Variants in SHISA9 observed in about 807,000 individuals in gnomAD.
SHISA9 encodes the protein protein shisa-9.
Under a neutral mutation model 38.0 loss-of-function variants are expected in SHISA9, and 13 were observed. That is an observed-to-expected ratio of 0.34 (90% CI 0.22 to 0.54). The LOEUF is 0.54. Among genes scored for constraint, SHISA9 ranks in the 20% least tolerant of loss-of-function variants. The pLI is 0.91. For synonymous variants in SHISA9, 275 were observed against 242.0 expected (o/e 1.14, Z -1.27); for missense variants, 538 against 575.8 (o/e 0.93, Z 0.67).
chr16:13,116,819 C>T (rs958715799), intron 2 of SHISA9, among the ~76,000 whole-genome samples: 1 of 152,166 alleles, frequency 6.6e-6, no homozygotes, highest in African/African-American at 2.4e-5. Context: ...TCGAAGACTA[C>T]TAGGACTGGT....
At chr16:13,413,634 T>C in the SHISA9 span, among the ~76,000 whole-genome samples, 3 of 151,890 alleles carry the variant, frequency 2.0e-5, no homozygotes, top group Non-Finnish European at 1.5e-5. Flanking sequence ...TGGGTGCCTG[T>C]AATCCCAGCT....
At chr16:13,278,596 T>C in the SHISA9 span, among the ~76,000 whole-genome samples, 1 of 152,066 alleles carries the variant, frequency 6.6e-6, no homozygotes, top group African/African-American at 2.4e-5. Context: ...TCTCACTGTT[T>C]GTTATTGGTC....
In SHISA9 at chr16:13,191,605, A is replaced by G. The variant is rs116567550; in HGVS notation, c.692-11789A>G. Among the ~76,000 whole-genome samples, 1,128 of 152,318 alleles carry G rather than the reference A, an allele frequency of 7.4e-3. 13 individuals carry two copies. Among genetic ancestry groups the G allele is most frequent in the African/African-American group, 0.026 (1,067 of 41,568 alleles). ...AGACTGAGGCTTATATAGGCTTTAT[A>G]AGACACCCAAAGATGCTGTTGGTAA... On this transcript the variant is annotated intron_variant, in intron 2 of 4. Transcript: ENST00000558583.
intron 2 of SHISA9, among the ~76,000 whole-genome samples, chr16:13,136,182 G>T (rs148811016): frequency 1.8e-3 from 267 of 152,174 alleles, no homozygotes; most frequent in African/African-American, 6.1e-3. Context: ...TTGAATTCTA[G>T]CTCTTCATCT....
chr16:13,039,579 T>G (rs1257150689), intron 2 of SHISA9, among the ~76,000 whole-genome samples: 1 of 148,498 alleles, frequency 6.7e-6, no homozygotes, highest in Non-Finnish European at 1.5e-5. Context: ...GAGTATAATA[T>G]AAGCCCTTAT....
the SHISA9 span, among the ~76,000 whole-genome samples, chr16:13,401,234 C>A: frequency 3.2e-3 from 486 of 152,326 alleles, 6 homozygotes; most frequent in Middle Eastern, 0.044. Flanking sequence ...CAGTTAGGTA[C>A]AGTTATTCAG....
chr16:13,454,083 A>G, the SHISA9 span, among the ~76,000 whole-genome samples: 1 of 152,198 alleles, frequency 6.6e-6, no homozygotes, highest in East Asian at 1.9e-4. Context: ...GATCCTTTCT[A>G]GAGGACAGAA....
intron 2 of SHISA9, among the ~76,000 whole-genome samples, chr16:13,114,461 A>T (rs183592488): frequency 1.4e-4 from 19 of 132,938 alleles, no homozygotes; most frequent in African/African-American, 5.8e-4. Flanking sequence ...GTGAGATTCC[A>T]TCTCAAAAAA....
chr16:13,080,276 C>T (rs1221050458), intron 2 of SHISA9, among the ~76,000 whole-genome samples: 2 of 152,008 alleles, frequency 1.3e-5, no homozygotes, highest in South Asian at 2.1e-4. Context: ...GGGAGGCTGA[C>T]GCAGGAGAAT....
At chr16:13,550,307 G>A in the SHISA9 span, among the ~76,000 whole-genome samples, 1 of 152,238 alleles carries the variant, frequency 6.6e-6, no homozygotes, top group East Asian at 1.9e-4. Flanking sequence ...CTCCCATTCA[G>A]TTTTACTCAT....
intron 2 of SHISA9, among the ~76,000 whole-genome samples, chr16:13,167,550 C>T (rs2050648548): frequency 6.6e-6 from 1 of 152,120 alleles, no homozygotes; most frequent in Non-Finnish European, 1.5e-5. Context: ...GGAGGTGGGG[C>T]CTGGTGAGAG....
At chr16:12,970,950 C>A (rs956883426) in intron 2 of SHISA9, among the ~76,000 whole-genome samples, 3 of 152,184 alleles carry the variant, frequency 2.0e-5, no homozygotes, top group Admixed American at 2.0e-4. Context: ...GGGAGGCACT[C>A]GCAAAGTATT....
At position 12,909,114 on chromosome 16, in the gene SHISA9, G is replaced by A. The variant is rs2071145933; in HGVS notation, c.563+6487G>A. On this transcript the variant is annotated intron_variant, in intron 1 of 4. Coordinates refer to ENST00000558583, the MANE Select transcript of SHISA9 (RefSeq NM_001145204.3). Reference sequence around the variant, plus strand: ...TCCCAGGCTGGAGAAGTCCATGTGTGCATGCATCTACTGTTGGCCACAGAA... The same window carrying A: ...TCCCAGGCTGGAGAAGTCCATGTGTACATGCATCTACTGTTGGCCACAGAA... 4 of 986,918 alleles carry A rather than the reference G, an allele frequency of 4.1e-6. No individual in the cohort carries two copies. In the South Asian group the frequency reaches 1.4e-4, roughly 35 times the overall value. The allele number at this position is 986,918 out of a possible 1,614,324, so 61.1% of individuals were successfully genotyped here.
the SHISA9 span, among the ~76,000 whole-genome samples, chr16:13,428,765 G>GTTT: frequency 0.01 from 795 of 79,222 alleles, 8 homozygotes; most frequent in African/African-American, 0.03. Flanking sequence ...TTATTTTATT[G>GTTT]TTTTATTGTT....
chr16:13,098,158 A>G (rs1332032915), intron 2 of SHISA9, among the ~76,000 whole-genome samples: 13 of 152,162 alleles, frequency 8.5e-5, no homozygotes, highest in African/African-American at 2.9e-4. Flanking sequence ...CCTGCTCTTA[A>G]TGTTGATAAG....
At chr16:13,320,609 G>T in the SHISA9 span, among the ~76,000 whole-genome samples, 2 of 152,286 alleles carry the variant, frequency 1.3e-5, no homozygotes, top group East Asian at 3.9e-4. Context: ...AGATAGTAGG[G>T]TCTCCTCTGG....
intron 2 of SHISA9, among the ~76,000 whole-genome samples, chr16:13,148,873 A>G (rs1044043939): frequency 6.6e-6 from 1 of 152,020 alleles, no homozygotes; most frequent in Non-Finnish European, 1.5e-5. Flanking sequence ...ATAAAATTCT[A>G]TTTGCCTATT....
At chr16:13,447,793 A>T in the SHISA9 span, among the ~76,000 whole-genome samples, 73,864 of 152,072 alleles carry the variant, frequency 0.49, 18,995 homozygotes, top group African/African-American at 0.64. Context: ...ATGTTGAAAG[A>T]TCGTCACAGA....
Position 12,929,740 on chromosome 16 carries a change from G to A in SHISA9, c.691+12925G>A, listed in dbSNP as rs1266893603. Among the ~76,000 whole-genome samples the A allele has an allele frequency of 3.3e-5, 5 of 151,900 alleles. No homozygotes were observed. In the South Asian group the frequency reaches 6.3e-4, roughly 19 times the overall value. Reference sequence around the variant, plus strand: ...TGTGTAGCAAACCACCACTGCACACGTTTATATATGTAAAAAAGCCCTGCA... The same window carrying A: ...TGTGTAGCAAACCACCACTGCACACATTTATATATGTAAAAAAGCCCTGCA... On this transcript the variant is annotated intron_variant, in intron 2 of 4. Coordinates refer to ENST00000558583, the MANE Select transcript of SHISA9 (RefSeq NM_001145204.3).
Sources: gnomAD v4.1 joint callset for allele counts (sites outside exome capture counted in the v4.1 genomes callset) on GRCh38, gnomAD v4.1.1 for gene constraint, MANE v1.5 for transcripts, NCBI Gene and HGNC (gene_info 2026-07-23, HGNC 2026-07-21) for gene names.